The following PROS1 variants were observed in gnomAD, a reference collection of about 807,000 sequenced individuals.
The protein encoded by PROS1 is protein S.
Under a neutral mutation model 75.9 loss-of-function variants are expected in PROS1, and 29 were observed. The ratio of observed to expected loss-of-function variants is 0.38; its 90% CI spans 0.28 to 0.52. PROS1 has a LOEUF of 0.52. PROS1 is among the 20% of genes least tolerant of loss of function. The pLI is 0.83. For missense variants in PROS1, 680 were observed against 810.3 expected, an observed-to-expected ratio of 0.84 and a Z score of 1.95; for synonymous variants, 245 against 280.6, an observed-to-expected ratio of 0.87 and a Z score of 1.27.
chr3:93,969,897 G>T (rs1291265477), intron 1 of PROS1, among the ~76,000 whole-genome samples: 2 of 152,160 alleles, frequency 1.3e-5, no homozygotes, highest in Non-Finnish European at 2.9e-5. Context: ...CGCTCAAGCT[G>T]CAAAAATATA....
intron 9 of PROS1, 68 bp from the exon 10 acceptor site, chr3:93,893,190 T>C: frequency 7.4e-7 from 1 of 1,352,998 alleles, no homozygotes; most frequent in East Asian, 2.5e-5. Flanking sequence ...TTATTCTTTT[T>C]TTCTTGTACT....
intron 1 of PROS1, among the ~76,000 whole-genome samples, chr3:93,970,454 G>A (rs1328723371): frequency 1.3e-5 from 2 of 152,018 alleles, no homozygotes; most frequent in African/African-American, 4.8e-5. Flanking sequence ...TCCCACCTTA[G>A]ACCCCTGAGT....
intron 3 of PROS1, among the ~76,000 whole-genome samples, chr3:93,923,693 A>G (rs1708976152): frequency 1.3e-5 from 2 of 152,136 alleles, no homozygotes; most frequent in Non-Finnish European, 2.9e-5. Flanking sequence ...TGAGCCCAGG[A>G]GTTCAAGACT....
intron 1 of PROS1, among the ~76,000 whole-genome samples, chr3:93,956,679 C>T (rs927354610): frequency 2.6e-5 from 4 of 152,128 alleles, no homozygotes; most frequent in Admixed American, 6.6e-5. Flanking sequence ...TTCTTACCCT[C>T]ACTTTGTGAT....
intron 1 of PROS1, among the ~76,000 whole-genome samples, chr3:93,946,786 A>C (rs1709408037): frequency 1.3e-5 from 2 of 151,974 alleles, no homozygotes. Flanking sequence ...CAGTGGCAAC[A>C]AAAGCCAAAA....
At chr3:93,938,248 G>A (rs565822059) in intron 1 of PROS1, among the ~76,000 whole-genome samples, 6 of 151,722 alleles carry the variant, frequency 4.0e-5, no homozygotes, top group East Asian at 2.0e-4. Context: ...TGTAACCCCC[G>A]CCCCTGCCAC....
At chr3:93,971,265 T>C (rs1352962634) in intron 1 of PROS1, among the ~76,000 whole-genome samples, 2 of 151,144 alleles carry the variant, frequency 1.3e-5, no homozygotes, top group African/African-American at 4.9e-5. Context: ...GGGGGATCAC[T>C]TGAACCCAGG....
intron 1 of PROS1, among the ~76,000 whole-genome samples, chr3:93,931,062 A>T (rs1475766350): frequency 5.9e-5 from 9 of 152,252 alleles, no homozygotes; most frequent in Admixed American, 5.9e-4. Flanking sequence ...ACAATGCTTT[A>T]CATTGGTATG....
At chr3:93,969,489 A>G (rs1206537768) in intron 1 of PROS1, among the ~76,000 whole-genome samples, 1 of 152,182 alleles carries the variant, frequency 6.6e-6, no homozygotes, top group Non-Finnish European at 1.5e-5. Flanking sequence ...GTGCAATTCT[A>G]GTGAGCTGTC....
At chr3:93,912,226 T>G (rs1469960707) in intron 3 of PROS1, among the ~76,000 whole-genome samples, 1 of 152,184 alleles carries the variant, frequency 6.6e-6, no homozygotes, top group Non-Finnish European at 1.5e-5. Flanking sequence ...CATCCTTGTA[T>G]GTCTACCAGT....
Position 93,936,165 on chromosome 3 carries a change from TC to T in PROS1, c.77-8759del, listed in dbSNP as rs545617094. On this transcript the variant is annotated intron_variant, in intron 1 of 14. Transcript: ENST00000394236. ...CAGTGTGGCTATATTTGGAGACAGGTCCTTTAAGGAAGTAATTAAGACTAGA... is the reference window on the plus strand; with the variant it reads ...CAGTGTGGCTATATTTGGAGACAGGTCTTTAAGGAAGTAATTAAGACTAGA... Among the ~76,000 whole-genome samples the T allele has an allele frequency of 2.0e-5, 3 of 151,136 alleles. No homozygotes were observed. In the South Asian group the frequency reaches 6.3e-4, roughly 32 times the overall value.
intron 1 of PROS1, among the ~76,000 whole-genome samples, chr3:93,952,249 C>G (rs1437843150): frequency 6.6e-6 from 1 of 152,202 alleles, no homozygotes; most frequent in Non-Finnish European, 1.5e-5. Flanking sequence ...CCACAGAACT[C>G]TCCACCCCAA....
intron 7 of PROS1, among the ~76,000 whole-genome samples, chr3:93,899,224 A>T (rs1423351288): frequency 1.3e-5 from 2 of 151,472 alleles, no homozygotes; most frequent in South Asian, 2.1e-4. Context: ...CCCTGTCCCT[A>T]CTCCATATTT....
intron 1 of PROS1, among the ~76,000 whole-genome samples, chr3:93,937,964 T>A (rs1404191381): frequency 6.6e-6 from 1 of 151,938 alleles, no homozygotes; most frequent in Non-Finnish European, 1.5e-5. Context: ...AGCAGGAGGG[T>A]GGGAGAAGGC....
In PROS1 at chr3:93,900,914, G is replaced by C; in HGVS notation, c.617C>G (p.Ser206Cys). 1 of 1,613,840 alleles carries C rather than the reference G, an allele frequency of 6.2e-7. No homozygotes were observed. The part of the protein sequence containing the change: ...KKDCKDVDEC[S>C]LKPSICGTAV... ...TGTGCCACAAATGCTTGGCTTCAAA[G>C]AGCATTCATCCACATCTATAAATAA... The change falls in exon 7 of 15, where the codon TCT becomes TGT. Residue 206 changes from serine (S) to cysteine (C), a missense_variant. Coordinates refer to ENST00000394236, the MANE Select transcript of PROS1 (RefSeq NM_000313.4).
chr3:93,903,551 T>C (rs1363445687), intron 6 of PROS1, among the ~76,000 whole-genome samples: 6 of 152,062 alleles, frequency 3.9e-5, no homozygotes, highest in Admixed American at 3.9e-4. Context: ...ACACCTGTAG[T>C]CCCAGCTACT....
chr3:93,903,599 G>A (rs962631303), intron 6 of PROS1, among the ~76,000 whole-genome samples: 1 of 152,106 alleles, frequency 6.6e-6, no homozygotes, highest in African/African-American at 2.4e-5. Context: ...AGGAGGTTGA[G>A]GCTGTATTGA....
chr3:93,893,091 C>A lies in PROS1; in HGVS notation c.997G>T (p.Asp333Tyr). Residue 333 changes from aspartate to tyrosine, a missense_variant, in exon 10 of 15, where the codon GAT becomes TAT. By Grantham distance (160) the Asp-to-Tyr change is radical. Coordinates refer to ENST00000394236, the MANE Select transcript of PROS1 (RefSeq NM_000313.4). ...FSAEFDFRTY[D>Y]SEGVILYAES... is the part of the protein sequence containing the mutation. ...GCGTACAGTATCACGCCTTCTGAAT[C>A]ATATGTCCGGAAATCAAATTCTGCT... The A allele has an allele frequency of 6.2e-7, 1 of 1,613,916 alleles. No homozygotes were observed. The highest frequency in any genetic ancestry group is 1.1e-5 in the South Asian group (1 of 91,066).
At chr3:93,944,500 C>T (rs201088140) in intron 1 of PROS1, among the ~76,000 whole-genome samples, 2 of 151,724 alleles carry the variant, frequency 1.3e-5, no homozygotes. Context: ...GATTAAGAAA[C>T]TCACTCAAAA....
Sources: gnomAD v4.1 joint callset for allele counts (sites outside exome capture counted in the v4.1 genomes callset) on GRCh38, gnomAD v4.1.1 for gene constraint, MANE v1.5 for transcripts, NCBI Gene and HGNC (gene_info 2026-07-23, HGNC 2026-07-21) for gene names.